The following ZFAT variants were observed in gnomAD, a reference collection of about 807,000 sequenced individuals.
ZFAT encodes the protein zinc finger and AT-hook domain containing.
ZFAT carries 64 observed loss-of-function variants against 117.7 expected under a neutral mutation model. That is an observed-to-expected ratio of 0.54 (90% CI 0.44 to 0.67). ZFAT has a LOEUF of 0.67. Ranked by LOEUF, ZFAT falls within the 30% of genes least tolerant of loss-of-function variation. The probability of loss-of-function intolerance (pLI) is 0.00; values close to 1 mark genes in which losing one functional copy is unlikely to be tolerated. For missense variants in ZFAT, 1,433 were observed against 1,584.5 expected, an observed-to-expected ratio of 0.90 and a Z score of 1.62; for synonymous variants, 679 against 615.0, an observed-to-expected ratio of 1.10 and a Z score of -1.54.
intron 1 of ZFAT, among the ~76,000 whole-genome samples, chr8:134,676,646 C>T (rs1209341982): frequency 6.6e-6 from 1 of 152,160 alleles, no homozygotes; most frequent in Non-Finnish European, 1.5e-5. Context: ...AATAAACATT[C>T]TTCTCAGCAC....
chr8:134,644,292 GA>G (rs1166343508), intron 2 of ZFAT, among the ~76,000 whole-genome samples: 3 of 152,146 alleles, frequency 2.0e-5, no homozygotes, highest in Admixed American at 2.0e-4. Flanking sequence ...GGAAAGATAA[GA>G]AAGGAAGAAT....
intron 11 of ZFAT, among the ~76,000 whole-genome samples, chr8:134,559,314 T>C (rs1404850194): frequency 3.9e-5 from 6 of 152,196 alleles, no homozygotes; most frequent in Admixed American, 3.3e-4. Flanking sequence ...AAATATGGTT[T>C]TGCCCTTTTT....
intron 1 of ZFAT, among the ~76,000 whole-genome samples, chr8:134,692,460 C>T (rs1294244427): frequency 2.0e-5 from 3 of 152,226 alleles, no homozygotes; most frequent in Admixed American, 6.5e-5. Flanking sequence ...CCGCCCAGGA[C>T]TTCTACTCCT....
At chr8:134,696,008 C>T (rs966345300) in intron 1 of ZFAT, among the ~76,000 whole-genome samples, 1 of 151,760 alleles carries the variant, frequency 6.6e-6, no homozygotes, top group African/African-American at 2.4e-5. Flanking sequence ...AAGGTGCCAC[C>T]CTCTAGACAC....
At chr8:134,631,681 C>T (rs1185469805) in intron 3 of ZFAT, among the ~76,000 whole-genome samples, 1 of 152,218 alleles carries the variant, frequency 6.6e-6, no homozygotes, top group Non-Finnish European at 1.5e-5. Context: ...GTGCCTGGCC[C>T]TGTGACAACA....
chr8:134,732,594 G>T, the ZFAT span, among the ~76,000 whole-genome samples: 1 of 152,214 alleles, frequency 6.6e-6, no homozygotes, highest in Non-Finnish European at 1.5e-5. Context: ...TCAGAAAATG[G>T]GGTAGGGTGA....
Position 134,496,981 on chromosome 8 carries a change from G to A in ZFAT, c.3492+12638C>T, listed in dbSNP as rs186541819. ...GGGCAGGGGTTATCCTGACATGCAG[G>A]GACCCCCGCCCCCATAGGTCGTGCT... On this transcript the variant is annotated intron_variant, in intron 15 of 15. Coordinates refer to ENST00000377838, the MANE Select transcript of ZFAT (RefSeq NM_020863.4). Among the ~76,000 whole-genome samples, 215 of 152,352 alleles carry A rather than the reference G, an allele frequency of 1.4e-3. 1 individual carries two copies. Among genetic ancestry groups the A allele is most frequent in the African/African-American group, 4.8e-3 (200 of 41,582 alleles).
chr8:134,675,423 C>G (rs1832749179), intron 1 of ZFAT, among the ~76,000 whole-genome samples: 1 of 152,008 alleles, frequency 6.6e-6, no homozygotes, highest in South Asian at 2.1e-4. Flanking sequence ...TGAAAAGAAG[C>G]AAACAAAGCC....
chr8:134,653,108 TTG>T (rs1198941932), intron 2 of ZFAT, among the ~76,000 whole-genome samples: 2 of 150,986 alleles, frequency 1.3e-5, no homozygotes, highest in African/African-American at 2.4e-5. Flanking sequence ...TAATACAGTA[TTG>T]TGTACTTAAC....
At chr8:134,549,321 C>T (rs907153075) in intron 11 of ZFAT, among the ~76,000 whole-genome samples, 1 of 151,936 alleles carries the variant, frequency 6.6e-6, no homozygotes, top group Non-Finnish European at 1.5e-5. Context: ...GGCACCTGTA[C>T]TCCCAGCTAT....
chr8:134,729,860 C>G, the ZFAT span, among the ~76,000 whole-genome samples: 2 of 152,292 alleles, frequency 1.3e-5, no homozygotes, highest in East Asian at 1.9e-4. Flanking sequence ...ACTCCATGGG[C>G]TTGTCCTGAC....
intron 15 of ZFAT, among the ~76,000 whole-genome samples, chr8:134,507,630 C>T (rs1483358419): frequency 6.6e-6 from 1 of 152,208 alleles, no homozygotes; most frequent in Non-Finnish European, 1.5e-5. Flanking sequence ...CTGCCTCATC[C>T]CTTGTGGTGC....
In ZFAT at chr8:134,489,028, A is replaced by G. The variant is rs551210610; in HGVS notation, c.3493-10307T>C. ...TGGGGGTGGGGAAGAGATGAAACAA[A>G]GAGGAAAAAAAAAAAAAGACTAGAG... On this transcript the variant is annotated intron_variant, in intron 15 of 15. Transcript: ENST00000377838. Among the ~76,000 whole-genome samples, 350 of 145,640 alleles carry G rather than the reference A, an allele frequency of 2.4e-3. 1 individual carries two copies. The highest frequency in any genetic ancestry group is 9.2e-3 in the African/African-American group (340 of 36,776).
At chr8:134,670,119 A>G (rs1362633748) in intron 1 of ZFAT, among the ~76,000 whole-genome samples, 1 of 152,252 alleles carries the variant, frequency 6.6e-6, no homozygotes, top group Non-Finnish European at 1.5e-5. Flanking sequence ...TTAGAGATCT[A>G]CAAAGAGACT....
At chr8:134,504,123 G>A (rs1308590064) in intron 15 of ZFAT, among the ~76,000 whole-genome samples, 2 of 152,120 alleles carry the variant, frequency 1.3e-5, no homozygotes, top group Non-Finnish European at 2.9e-5. Flanking sequence ...GTAAGCTCTT[G>A]TACACAGGGG....
At chr8:134,760,638 G>A in the ZFAT span, among the ~76,000 whole-genome samples, 1 of 152,156 alleles carries the variant, frequency 6.6e-6, no homozygotes, top group African/African-American at 2.4e-5. Context: ...AATGCTGGGA[G>A]GAATAAAGGT....
At chr8:134,820,554 C>T in the ZFAT span, among the ~76,000 whole-genome samples, 1 of 152,196 alleles carries the variant, frequency 6.6e-6, no homozygotes, top group Non-Finnish European at 1.5e-5. Context: ...CACAGATTGG[C>T]TTCAGCTCTG....
chr8:134,483,873 C>A (rs1285759898), intron 15 of ZFAT, among the ~76,000 whole-genome samples: 1 of 152,190 alleles, frequency 6.6e-6, no homozygotes, highest in Non-Finnish European at 1.5e-5. Flanking sequence ...TTTAACCCAT[C>A]GTCATCCATT....
chr8:134,725,190 T>C, the ZFAT span, among the ~76,000 whole-genome samples: 1 of 152,246 alleles, frequency 6.6e-6, no homozygotes, highest in African/African-American at 2.4e-5. Flanking sequence ...CATATCGTTA[T>C]GGCTCGTTTA....
Sources: gnomAD v4.1 joint callset for allele counts (sites outside exome capture counted in the v4.1 genomes callset) on GRCh38, gnomAD v4.1.1 for gene constraint, MANE v1.5 for transcripts, NCBI Gene and HGNC (gene_info 2026-07-23, HGNC 2026-07-21) for gene names.